Variants in ERC1 observed in about 807,000 individuals in gnomAD.
ERC1 encodes the protein ELKS/RAB6-interacting/CAST family member 1, also known as RAB6 interacting protein 2.
ERC1 carries 56 observed loss-of-function variants against 132.0 expected under a neutral mutation model. The observed-to-expected ratio is 0.42, with a 90% CI of 0.34 to 0.53. The LOEUF (loss-of-function observed/expected upper bound fraction) is 0.53, where lower values mean the gene tolerates loss of function less well. Among genes scored for constraint, ERC1 ranks in the 20% least tolerant of loss-of-function variants. The pLI is 0.03. For missense variants in ERC1, 1,202 were observed against 1,349.9 expected (o/e 0.89, Z 1.72); for synonymous variants, 478 against 476.1 (o/e 1.00, Z -0.05).
chr12:1,440,797 C>T (rs1018354867), intron 17 of ERC1, among the ~76,000 whole-genome samples: 1 of 151,552 alleles, frequency 6.6e-6, no homozygotes. Flanking sequence ...TACAGGTGCG[C>T]ACCACACCCA....
At chr12:1,414,481 G>A (rs1045826890) in intron 17 of ERC1, among the ~76,000 whole-genome samples, 3 of 152,154 alleles carry the variant, frequency 2.0e-5, no homozygotes, top group Non-Finnish European at 4.4e-5. Context: ...TTGCAGATTA[G>A]GGTTTCAACA....
intron 12 of ERC1, among the ~76,000 whole-genome samples, chr12:1,233,098 A>C (rs1453005638): frequency 6.6e-6 from 1 of 152,176 alleles, no homozygotes; most frequent in Non-Finnish European, 1.5e-5. Context: ...AAAGGTTGAT[A>C]AAAGGTGAAC....
intron 17 of ERC1, chr12:1,443,394 G>A (rs2093216300): frequency 6.6e-6 from 1 of 152,168 alleles, no homozygotes; most frequent in African/African-American, 2.4e-5. Context: ...GGTCCAAGGA[G>A]GAATCAGTGT....
chr12:1,263,280 C>A, intron 14 of ERC1, 115 bp downstream of exon 14: 1 of 981,766 alleles, frequency 1.0e-6, no homozygotes. Context: ...TTCAAAAACA[C>A]TTCATAGAGG....
intron 2 of ERC1, among the ~76,000 whole-genome samples, chr12:1,039,337 C>CAAAAA (rs573363202): frequency 1.8e-5 from 2 of 113,110 alleles, no homozygotes; most frequent in African/African-American, 3.1e-5. Flanking sequence ...GACGTTGTCT[C>CAAAAA]AAAAAAAAAA....
intron 15 of ERC1, among the ~76,000 whole-genome samples, chr12:1,331,598 G>C (rs2082865688): frequency 6.6e-6 from 1 of 152,124 alleles, no homozygotes; most frequent in South Asian, 2.1e-4. Context: ...CCATCTGCTT[G>C]ATTCGTTATG....
intron 12 of ERC1, among the ~76,000 whole-genome samples, chr12:1,234,774 A>G (rs1312199096): frequency 3.3e-5 from 5 of 152,222 alleles, no homozygotes; most frequent in Admixed American, 3.3e-4. Context: ...GTACACATGC[A>G]TATAGAAACT....
At chr12:1,179,495 T>TTTTTC (rs1486264914) in intron 8 of ERC1, among the ~76,000 whole-genome samples, 2 of 142,330 alleles carry the variant, frequency 1.4e-5, no homozygotes, top group Non-Finnish European at 3.0e-5. Context: ...AGTCTATTCA[T>TTTTTC]TTTTCTTTTT....
intron 12 of ERC1, among the ~76,000 whole-genome samples, chr12:1,219,540 C>T (rs924218441): frequency 6.6e-6 from 1 of 152,046 alleles, no homozygotes; most frequent in African/African-American, 2.4e-5. Context: ...AACCATTATC[C>T]GTTGCTCAAA....
intron 1 of ERC1, among the ~76,000 whole-genome samples, chr12:997,636 G>T (rs1375837570): frequency 6.6e-6 from 1 of 152,152 alleles, no homozygotes; most frequent in African/African-American, 2.4e-5. Flanking sequence ...TGTCCAGGTG[G>T]TCATTAGCTG....
chr12:1,122,207 C>CTG (rs1566018439), intron 7 of ERC1, among the ~76,000 whole-genome samples: 9 of 59,310 alleles, frequency 1.5e-4, no homozygotes, highest in African/African-American at 7.3e-4. Flanking sequence ...CTATCTGTGT[C>CTG]TCTATCTCTA....
intron 2 of ERC1, among the ~76,000 whole-genome samples, chr12:1,042,693 A>G (rs1970455636): frequency 6.6e-6 from 1 of 151,926 alleles, no homozygotes; most frequent in Non-Finnish European, 1.5e-5. Flanking sequence ...TATGTGATAA[A>G]CCTACAGCAT....
At chr12:1,022,214 G>C (rs1229920263) in intron 1 of ERC1, among the ~76,000 whole-genome samples, 1 of 152,112 alleles carries the variant, frequency 6.6e-6, no homozygotes, top group South Asian at 2.1e-4. Context: ...ATTGTGCCTG[G>C]CCAAGAAGTA....
intron 7 of ERC1, among the ~76,000 whole-genome samples, chr12:1,130,516 A>G (rs1948654793): frequency 6.6e-6 from 1 of 152,178 alleles, no homozygotes; most frequent in South Asian, 2.1e-4. Context: ...CACTTATTGC[A>G]GTATACTTTG....
At chr12:1,070,052 TGAGA>T (rs147072663) in intron 2 of ERC1, among the ~76,000 whole-genome samples, 23 of 149,690 alleles carry the variant, frequency 1.5e-4, no homozygotes, top group Admixed American at 4.0e-4. Flanking sequence ...TAAGCAACAG[TGAGA>T]GAGAGAGAGA....
intron 15 of ERC1, among the ~76,000 whole-genome samples, chr12:1,348,343 A>G (rs1346827011): frequency 6.6e-6 from 1 of 152,240 alleles, no homozygotes; most frequent in African/African-American, 2.4e-5. Flanking sequence ...TTAGTGAACC[A>G]TACACTGCCT....
In ERC1 at chr12:1,280,819, G is replaced by C. The variant is rs140534010; in HGVS notation, c.2620-9033G>C. On this transcript the variant is annotated intron_variant, in intron 14 of 18. Transcript: ENST00000360905. ...CCCTCTTGGTGTCCTAGGGTTACCA[G>C]ACATAAAATCCCATCCTTTTACTTT... 1.5e-4 allele frequency among the ~76,000 whole-genome samples: 23 copies of C among 152,318 alleles called. 1 individual carries two copies. In the East Asian group the frequency reaches 4.2e-3, roughly 28 times the overall value.
At chr12:1,131,397 T>C (rs910576715) in intron 7 of ERC1, among the ~76,000 whole-genome samples, 1 of 152,238 alleles carries the variant, frequency 6.6e-6, no homozygotes, top group African/African-American at 2.4e-5. Context: ...TTATTACTAC[T>C]AATTTGCCTT....
chr12:1,054,447 T>C (rs898306601), intron 2 of ERC1, among the ~76,000 whole-genome samples: 1 of 152,018 alleles, frequency 6.6e-6, no homozygotes, highest in South Asian at 2.1e-4. Context: ...CCGGCTCTTT[T>C]TAAAAAATTT....
Sources: allele counts gnomAD v4.1 joint callset (sites outside exome capture counted in the v4.1 genomes callset), GRCh38; gene constraint gnomAD v4.1.1; transcripts MANE v1.5; gene names NCBI Gene and HGNC (gene_info 2026-07-23, HGNC 2026-07-21).